The following KCNMB2 variants were observed in gnomAD, a reference collection of about 807,000 sequenced individuals.
The protein encoded by KCNMB2 is calcium-activated potassium channel subunit beta-2.
Under a neutral mutation model 24.5 loss-of-function variants are expected in KCNMB2, and 9 were observed. The observed-to-expected ratio is 0.37, with a 90% CI of 0.22 to 0.64. The LOEUF is 0.64. Ranked by LOEUF, KCNMB2 falls within the 30% of genes least tolerant of loss-of-function variation. KCNMB2 has a pLI of 0.63. For missense variants in KCNMB2, 226 were observed against 284.3 expected (o/e 0.79, Z 1.47); for synonymous variants, 109 against 104.4 (o/e 1.04, Z -0.27).
chr3:178,793,769 A>G (rs1246147303), intron 1 of KCNMB2, among the ~76,000 whole-genome samples: 2 of 152,138 alleles, frequency 1.3e-5, no homozygotes, highest in Non-Finnish European at 2.9e-5. Context: ...ATCTCTGAAC[A>G]CCAGCAGGTG....
intron 1 of KCNMB2, among the ~76,000 whole-genome samples, chr3:178,771,473 C>CTTTTTTTTT (rs66694279): frequency 1.2e-3 from 103 of 87,536 alleles, no homozygotes; most frequent in South Asian, 1.9e-3. Flanking sequence ...TTCTTTCTTT[C>CTTTTTTTTT]TTTTTTTTTT....
chr3:178,739,581 C>T (rs1559996833), intron 1 of KCNMB2, among the ~76,000 whole-genome samples: 1 of 152,118 alleles, frequency 6.6e-6, no homozygotes, highest in East Asian at 1.9e-4. Context: ...TTGTCCTTTC[C>T]TTGAATTCAA....
At chr3:178,582,673 A>C (rs1005320783) in intron 1 of KCNMB2, among the ~76,000 whole-genome samples, 1 of 151,982 alleles carries the variant, frequency 6.6e-6, no homozygotes, top group African/African-American at 2.4e-5. Context: ...TCTATCACTA[A>C]TTTTTTTTAA....
chr3:178,558,423 T>A (rs746574826), intron 1 of KCNMB2, among the ~76,000 whole-genome samples: 1 of 152,208 alleles, frequency 6.6e-6, no homozygotes, highest in East Asian at 1.9e-4. Context: ...GGATAGGAGC[T>A]GCAATTCTCT....
At chr3:178,552,381 C>A (rs998411856) in intron 1 of KCNMB2, among the ~76,000 whole-genome samples, 2 of 94,166 alleles carry the variant, frequency 2.1e-5, no homozygotes, top group African/African-American at 9.2e-5. Context: ...TTGAATTAAA[C>A]CCCCCCCCAA....
intron 1 of KCNMB2, among the ~76,000 whole-genome samples, chr3:178,571,212 A>AT (rs548465105): frequency 2.2e-4 from 33 of 147,994 alleles, no homozygotes; most frequent in South Asian, 8.5e-4. Context: ...GTCTTTTGTG[A>AT]TTTTTTTTTT....
intron 1 of KCNMB2, among the ~76,000 whole-genome samples, chr3:178,637,802 C>A (rs957712124): frequency 6.6e-6 from 1 of 152,110 alleles, no homozygotes; most frequent in African/African-American, 2.4e-5. Context: ...TCTGATAGAC[C>A]ATTCTCCCTT....
intron 1 of KCNMB2, among the ~76,000 whole-genome samples, chr3:178,730,382 CT>C (rs775869612): frequency 1.5e-5 from 1 of 64,834 alleles, no homozygotes. Flanking sequence ...TTTCCTTTAT[CT>C]TTGTCACTAC....
At chr3:178,687,159 T>C (rs1264759993) in intron 1 of KCNMB2, among the ~76,000 whole-genome samples, 20 of 151,990 alleles carry the variant, frequency 1.3e-4, no homozygotes, top group Admixed American at 1.3e-3. Flanking sequence ...AAATAGGAAC[T>C]AAGAAAACTA....
At chr3:178,687,854 T>G (rs947353006) in intron 1 of KCNMB2, among the ~76,000 whole-genome samples, 3 of 152,134 alleles carry the variant, frequency 2.0e-5, no homozygotes, top group African/African-American at 7.2e-5. Flanking sequence ...GCAAACTACT[T>G]ATTTTTAAAT....
At chr3:178,715,964 C>T (rs1368952655) in intron 1 of KCNMB2, among the ~76,000 whole-genome samples, 1 of 152,162 alleles carries the variant, frequency 6.6e-6, no homozygotes, top group South Asian at 2.1e-4. Flanking sequence ...GAACTGCCTG[C>T]CCCTCTCTTA....
chr3:178,770,136 C>A (rs1372148412), intron 1 of KCNMB2, among the ~76,000 whole-genome samples: 1 of 152,210 alleles, frequency 6.6e-6, no homozygotes. Flanking sequence ...TATAGCTCCT[C>A]ATTTCACTCT....
At chr3:178,699,191 C>T (rs947617106) in intron 1 of KCNMB2, among the ~76,000 whole-genome samples, 1 of 152,238 alleles carries the variant, frequency 6.6e-6, no homozygotes, top group Non-Finnish European at 1.5e-5. Flanking sequence ...GTGCCTTCTC[C>T]ATGCCCTGCA....
At chr3:178,703,733 A>C (rs889252592) in intron 1 of KCNMB2, among the ~76,000 whole-genome samples, 2 of 152,188 alleles carry the variant, frequency 1.3e-5, no homozygotes, top group African/African-American at 4.8e-5. Context: ...TGTTTATGTA[A>C]TCATGTATCT....
intron 1 of KCNMB2, among the ~76,000 whole-genome samples, chr3:178,683,229 C>A (rs762144344): frequency 2.0e-5 from 3 of 151,822 alleles, no homozygotes; most frequent in Non-Finnish European, 1.5e-5. Context: ...AAACAGAAAA[C>A]CAAATACCGC....
intron 1 of KCNMB2, among the ~76,000 whole-genome samples, chr3:178,556,759 C>A (rs1283074673): frequency 6.6e-6 from 1 of 152,116 alleles, no homozygotes; most frequent in Non-Finnish European, 1.5e-5. Flanking sequence ...CAGGAGAATG[C>A]AGAATCACAG....
intron 1 of KCNMB2, among the ~76,000 whole-genome samples, chr3:178,608,410 A>G (rs1718356120): frequency 6.6e-6 from 1 of 152,132 alleles, no homozygotes; most frequent in East Asian, 1.9e-4. Flanking sequence ...TTGTGGGTAC[A>G]TAGTAGGTGC....
intron 1 of KCNMB2, among the ~76,000 whole-genome samples, chr3:178,636,052 G>A (rs993999355): frequency 6.6e-6 from 1 of 152,162 alleles, no homozygotes; most frequent in South Asian, 2.1e-4. Flanking sequence ...TTTGAACTTT[G>A]ATTTTAAATT....
intron 1 of KCNMB2, among the ~76,000 whole-genome samples, chr3:178,636,224 T>C (rs1192585272): frequency 6.6e-6 from 1 of 152,090 alleles, no homozygotes; most frequent in Non-Finnish European, 1.5e-5. Flanking sequence ...ATAAAAATGA[T>C]ATAATGGATT....
Sources: gnomAD v4.1 joint callset for allele counts (sites outside exome capture counted in the v4.1 genomes callset) on GRCh38, gnomAD v4.1.1 for gene constraint, MANE v1.5 for transcripts, NCBI Gene and HGNC (gene_info 2026-07-23, HGNC 2026-07-21) for gene names.